Variants in ARID3B observed in about 807,000 individuals in gnomAD.
ARID3B encodes the protein AT-rich interaction domain 3B.
A neutral mutation model predicts 51.9 loss-of-function variants in ARID3B; 10 were observed. That is an observed-to-expected ratio of 0.19 (90% CI 0.12 to 0.33). ARID3B has a LOEUF of 0.33. Ranked by LOEUF, ARID3B falls within the 10% of genes least tolerant of loss-of-function variation. The probability of loss-of-function intolerance (pLI) is 1.00; values close to 1 mark genes in which losing one functional copy is unlikely to be tolerated. For missense variants in ARID3B, 483 were observed against 716.3 expected, an observed-to-expected ratio of 0.67 and a Z score of 3.72; for synonymous variants, 205 against 279.5, an observed-to-expected ratio of 0.73 and a Z score of 2.66.
chr15:74,589,736 C>G (rs574240339), intron 4 of ARID3B, 84 bp from the exon 5 acceptor site: 1 of 1,368,358 alleles, frequency 7.3e-7, no homozygotes, highest in African/African-American at 1.5e-5. Flanking sequence ...GTTTCCAGCT[C>G]GGCTAAAGGT....
chr15:74,570,410 T>G (rs950874021), intron 2 of ARID3B, among the ~76,000 whole-genome samples: 2 of 135,450 alleles, frequency 1.5e-5, no homozygotes, highest in African/African-American at 5.4e-5. Context: ...CAACTGAGTG[T>G]TAAATAGTTT....
chr15:74,556,772 TTTTG>T (rs1307624672), intron 2 of ARID3B, among the ~76,000 whole-genome samples: 13 of 140,728 alleles, frequency 9.2e-5, no homozygotes, highest in Middle Eastern at 3.6e-3. Context: ...TTTTTTTGTT[TTTTG>T]TTTTTTTTTT....
intron 4 of ARID3B, among the ~76,000 whole-genome samples, chr15:74,585,480 T>TA (rs1451934025): frequency 6.6e-6 from 1 of 152,264 alleles, no homozygotes; most frequent in East Asian, 1.9e-4. Context: ...TTGACAATAT[T>TA]ACTCTCTAAT....
Position 74,591,359 on chromosome 15 carries a change from A to T in ARID3B, c.1090A>T (p.Ile364Phe), listed in dbSNP as rs775347667. The T allele has an allele frequency of 6.2e-7, 1 of 1,614,026 alleles. No individual in the cohort carries two copies. Among genetic ancestry groups the T allele is most frequent in the South Asian group, 1.1e-5 (1 of 91,086 alleles). ...CTCCCCACCCAAGATCCGCTTTCCC[A>T]TCCTTGGGCTTGGCTCCAGCAGTGG... ...LLSPPKIRFP[I>F]LGLGSSSGTN... Residue 364 changes from isoleucine to phenylalanine, a missense_variant, in exon 6 of 9, where the codon ATC (isoleucine) becomes TTC (phenylalanine). Coordinates refer to ENST00000346246, the MANE Select transcript of ARID3B (RefSeq NM_006465.4). This position sits in a 1 kb window ranked among gnomAD's most constrained non-coding sequence, Gnocchi z 5.8.
intron 4 of ARID3B, among the ~76,000 whole-genome samples, chr15:74,589,475 C>T (rs745975119): frequency 1.3e-5 from 2 of 152,130 alleles, no homozygotes; most frequent in Non-Finnish European, 2.9e-5. Context: ...CGCCAGATCA[C>T]TAGGAATAGT....
intron 2 of ARID3B, among the ~76,000 whole-genome samples, chr15:74,551,441 A>G (rs573999730): frequency 2.5e-4 from 38 of 152,280 alleles, no homozygotes; most frequent in African/African-American, 8.9e-4. Context: ...GTCCTTATAA[A>G]TACACAATCA....
chr15:74,550,995 C>T (rs981988519), intron 2 of ARID3B, among the ~76,000 whole-genome samples: 3 of 152,176 alleles, frequency 2.0e-5, no homozygotes, highest in Non-Finnish European at 4.4e-5. Context: ...TCCAAGACCC[C>T]CACATATACC....
At chr15:74,595,540 C>G in intron 8 of ARID3B, 71 bp from the exon 9 acceptor site, 1 of 1,539,948 alleles carries the variant, frequency 6.5e-7, no homozygotes, top group African/African-American at 1.4e-5. Context: ...GCGGTGAATA[C>G]TTACTGAAAG....
chr15:74,593,830 C>T (rs979438852), intron 8 of ARID3B, among the ~76,000 whole-genome samples: 3 of 151,780 alleles, frequency 2.0e-5, no homozygotes, highest in East Asian at 1.9e-4. Flanking sequence ...CACTTGAGCC[C>T]AGGAGTTTGA....
intron 1 of ARID3B, among the ~76,000 whole-genome samples, chr15:74,541,545 G>C (rs1004695444): frequency 6.6e-6 from 1 of 151,874 alleles, no homozygotes; most frequent in Non-Finnish European, 1.5e-5. Context: ...GAGATAAAGC[G>C]ATGAGAAGGG....
At chr15:74,589,532 G>A (rs775313351) in intron 4 of ARID3B, among the ~76,000 whole-genome samples, 16 of 152,036 alleles carry the variant, frequency 1.1e-4, no homozygotes, top group Non-Finnish European at 1.5e-4. Context: ...ACACACACAC[G>A]AACTAAAAAA....
Position 74,591,168 on chromosome 15 carries a change from A to T in ARID3B, c.899A>T (p.Tyr300Phe), listed in dbSNP as rs1046107127. Residue 300 changes from tyrosine to phenylalanine, a missense_variant, in exon 6 of 9, where the codon TAT becomes TTT. Transcript: ENST00000346246. This position sits in a 1 kb window ranked among gnomAD's most constrained non-coding sequence, Gnocchi z 5.8. ...TCCTCCAGGTACATGAAGTATCTGT[A>T]TGCCTATGAGTGTGAGAAGAAAGCC... ...TLRTQYMKYL[Y>F]AYECEKKALS... 3.7e-6 allele frequency: 6 copies of T among 1,605,288 alleles called. No individual in the cohort carries two copies. The highest frequency in any genetic ancestry group is 5.1e-6 in the Non-Finnish European group (6 of 1,173,052).
At chr15:74,573,752 T>A (rs1194993860) in intron 4 of ARID3B, 1 of 156,942 alleles carries the variant, frequency 6.4e-6, no homozygotes, top group African/African-American at 2.4e-5. Flanking sequence ...CTGCCTTTTT[T>A]TTTTTTTGAG....
chr15:74,585,136 C>G (rs373236438), intron 4 of ARID3B, among the ~76,000 whole-genome samples: 6 of 152,220 alleles, frequency 3.9e-5, no homozygotes. Context: ...GTGCTCACCC[C>G]CTTCTGGGAG....
chr15:74,584,165 T>C (rs1482873763), intron 4 of ARID3B, among the ~76,000 whole-genome samples: 4 of 152,208 alleles, frequency 2.6e-5, no homozygotes, highest in East Asian at 1.9e-4. Context: ...TAGTACCCAA[T>C]AGGTAGTTTT....
At chr15:74,576,125 C>T (rs1190687972) in intron 4 of ARID3B, among the ~76,000 whole-genome samples, 1 of 152,074 alleles carries the variant, frequency 6.6e-6, no homozygotes, top group Non-Finnish European at 1.5e-5. Flanking sequence ...GAACTCCTGA[C>T]CTCAAGTGAT....
chr15:74,580,363 C>T (rs1376615617), intron 4 of ARID3B, among the ~76,000 whole-genome samples: 2 of 152,108 alleles, frequency 1.3e-5, no homozygotes, highest in African/African-American at 4.8e-5. Context: ...GTCTAATAAG[C>T]AAAGGCTATT....
intron 4 of ARID3B, among the ~76,000 whole-genome samples, chr15:74,589,319 G>C (rs1056360208): frequency 6.6e-6 from 1 of 151,962 alleles, no homozygotes; most frequent in African/African-American, 2.4e-5. Flanking sequence ...GTGAGCCACC[G>C]CACCCAGCCA....
intron 4 of ARID3B, among the ~76,000 whole-genome samples, chr15:74,579,277 C>T (rs1456536978): frequency 6.6e-6 from 1 of 152,184 alleles, no homozygotes; most frequent in African/African-American, 2.4e-5. Flanking sequence ...TGCACCTTGG[C>T]GACCCCCTCC....
Sources: gnomAD v4.1 joint callset for allele counts (sites outside exome capture counted in the v4.1 genomes callset) on GRCh38, gnomAD v4.1.1 for gene constraint, Gnocchi (gnomAD v3.1) non-coding constraint, MANE v1.5 for transcripts, NCBI Gene and HGNC (gene_info 2026-07-23, HGNC 2026-07-21) for gene names.